The following TMOD3 variants were observed in gnomAD, a reference collection of about 807,000 sequenced individuals.
The protein encoded by TMOD3 is tropomodulin-3.
Under a neutral mutation model 39.2 loss-of-function variants are expected in TMOD3, and 20 were observed. The ratio of observed to expected loss-of-function variants is 0.51; its 90% CI spans 0.36 to 0.74. TMOD3 has a LOEUF of 0.74. Ranked by LOEUF, TMOD3 falls within the 30% of genes least tolerant of loss-of-function variation. The pLI is 0.00. For synonymous variants in TMOD3, 143 were observed against 145.8 expected, an observed-to-expected ratio of 0.98 and a Z score of 0.14; for missense variants, 381 against 412.8, an observed-to-expected ratio of 0.92 and a Z score of 0.67.
chr15:51,859,654 C>CCA, intron 1 of TMOD3: 2 of 503,352 alleles, frequency 4.0e-6, no homozygotes, highest in East Asian at 9.6e-5. Flanking sequence ...GCCAAGAAGT[C>CCA]CACAATGGTA....
At position 51,908,770 on chromosome 15, in the gene TMOD3, T is replaced by C. The variant is rs756172786; in HGVS notation, c.1025-6T>C. 11 of 1,594,784 alleles carry C rather than the reference T, an allele frequency of 6.9e-6. No individual in the cohort carries two copies. The highest frequency in any genetic ancestry group is 9.4e-6 in the Non-Finnish European group (11 of 1,172,940). On this transcript the variant is annotated splice_region_variant and splice_polypyrimidine_tract_variant and intron_variant, in intron 9 of 9. Transcript: ENST00000308580. ...TCTAACATAGTTTCTTTTATTTTTC[T>C]CATAGTGCGTAAGAGACGAGTTGAA...
rs2056259083 is a variant in TMOD3 at position 51,832,203 on chromosome 15, T to TTATATATATTTATATATATATATA, written c.-75+2376_-75+2377insTTATATATATATATATATATATAT. 5.0e-5 allele frequency among the ~76,000 whole-genome samples: 4 copies of TTATATATATTTATATATATATATA among 79,334 alleles called. No individual in the cohort carries two copies. The South Asian group carries it at 1.6e-3, about 32-fold the overall frequency. 52.0% of individuals were successfully genotyped at this position (79,334 alleles called of 152,430 possible). On this transcript the variant is annotated intron_variant, in intron 1 of 9. Transcript: ENST00000308580. ...TGTCTCTCTAAAAAAAGAAAAAAAATTATATATATATATATATATATATAT... is the reference window on the plus strand; with the variant it reads ...TGTCTCTCTAAAAAAAGAAAAAAAATTATATATATTTATATATATATATATATATATATATATATATATATATAT...
chr15:51,878,429 G>T (rs1566861501), intron 3 of TMOD3, among the ~76,000 whole-genome samples: 1 of 143,050 alleles, frequency 7.0e-6, no homozygotes. Flanking sequence ...CATATATTTT[G>T]TCCATTTTAA....
chr15:51,854,739 G>A (rs1351836505), intron 1 of TMOD3, among the ~76,000 whole-genome samples: 3 of 152,128 alleles, frequency 2.0e-5, no homozygotes, highest in African/African-American at 7.2e-5. Context: ...AGGTGCTGGT[G>A]CAATGATAAA....
intron 1 of TMOD3, among the ~76,000 whole-genome samples, chr15:51,847,610 C>G (rs2056342192): frequency 6.6e-6 from 1 of 152,060 alleles, no homozygotes; most frequent in African/African-American, 2.4e-5. Context: ...AATTTAGCAT[C>G]CAGTATATTT....
chr15:51,896,736 A>G (rs193089531), intron 7 of TMOD3, among the ~76,000 whole-genome samples: 44 of 149,500 alleles, frequency 2.9e-4, no homozygotes, highest in Middle Eastern at 6.8e-3. Context: ...CCTCCTTCCT[A>G]TGAATTTTTT....
At position 51,880,040 on chromosome 15, in the gene TMOD3, A is replaced by G. The variant is rs78438558; in HGVS notation, c.284-7549A>G. 1.4e-3 allele frequency among the ~76,000 whole-genome samples: 216 copies of G among 152,336 alleles called. 11 individuals carry two copies. Among genetic ancestry groups the G allele is most frequent in the East Asian group, 9.8e-3 (51 of 5,194 alleles). On this transcript the variant is annotated intron_variant, in intron 3 of 9. Transcript: ENST00000308580. ...AACATCTCATAGTCACTAAGATTTT[A>G]AAATCTAATTGATATTGATATAAGA...
intron 9 of TMOD3, among the ~76,000 whole-genome samples, chr15:51,906,961 G>A (rs1228464763): frequency 1.3e-5 from 2 of 151,474 alleles, no homozygotes; most frequent in African/African-American, 2.4e-5. Flanking sequence ...TAGAGGTTGC[G>A]GTGAGCCGAG....
intron 5 of TMOD3, among the ~76,000 whole-genome samples, chr15:51,889,940 A>G (rs776780794): frequency 6.6e-6 from 1 of 152,146 alleles, no homozygotes; most frequent in Non-Finnish European, 1.5e-5. Flanking sequence ...TAAACAGTAC[A>G]TAAGTATTTA....
In TMOD3 at chr15:51,911,868, T is replaced by C. The variant is rs2056713442; in HGVS notation, c.*3058T>C. 1 of 152,222 alleles carries C rather than the reference T, an allele frequency of 6.6e-6. No individual in the cohort carries two copies. The highest frequency in any genetic ancestry group is 2.1e-4 in the South Asian group (1 of 4,838). The allele number at this position is 152,222 out of a possible 1,614,324, so 9.4% of individuals were successfully genotyped here. A position where few individuals can be genotyped will look rare whatever the true frequency, so the allele number is the denominator to read the frequency against. Reference sequence around the variant, plus strand: ...GAATAGGTGAAATACACTTTCAAAGTTGCCTGTCATTTAAAAGACCAAATA... The same window carrying C: ...GAATAGGTGAAATACACTTTCAAAGCTGCCTGTCATTTAAAAGACCAAATA... On this transcript the variant is annotated 3_prime_UTR_variant, in exon 10 of 10. Coordinates refer to ENST00000308580, the MANE Select transcript of TMOD3 (RefSeq NM_014547.5).
At chr15:51,871,795 C>A (rs1433898895) in intron 3 of TMOD3, among the ~76,000 whole-genome samples, 1 of 152,134 alleles carries the variant, frequency 6.6e-6, no homozygotes, top group African/African-American at 2.4e-5. Context: ...TCCTATGTAT[C>A]TTTTAAAATT....
At position 51,901,603 on chromosome 15, in the gene TMOD3, G is replaced by A. The variant is rs1295208509; in HGVS notation, c.880-289G>A. The A allele has an allele frequency of 1.4e-5, 5 of 362,488 alleles. No individual in the cohort carries two copies. The East Asian group carries it at 3.0e-4, about 21-fold the overall frequency. 22.5% of individuals were successfully genotyped at this position (362,488 alleles called of 1,614,324 possible). ...TGTGTGTGTGTGTGTGTGTGTGTGT[G>A]TGTGTGTGTATAAAGTTCCAGTGAG... On this transcript the variant is annotated intron_variant, in intron 8 of 9. Transcript: ENST00000308580.
intron 4 of TMOD3, among the ~76,000 whole-genome samples, chr15:51,888,699 T>C (rs534559044): frequency 3.3e-5 from 5 of 152,352 alleles, no homozygotes; most frequent in Admixed American, 1.3e-4. Flanking sequence ...CTTTTTGTCA[T>C]ATTATGTTCC....
chr15:51,889,231 C>G (rs1318791672), intron 5 of TMOD3, 86 bp downstream of exon 5: 3 of 829,516 alleles, frequency 3.6e-6, no homozygotes, highest in Non-Finnish European at 6.0e-6. Context: ...TGTTCACATA[C>G]TAGATGTTAT....
intron 7 of TMOD3, among the ~76,000 whole-genome samples, chr15:51,899,862 G>A (rs759720595): frequency 1.8e-4 from 27 of 152,128 alleles, no homozygotes; most frequent in Admixed American, 3.9e-4. Context: ...TAACCTAGAG[G>A]TAATGAAAAG....
In TMOD3 at chr15:51,887,693, GA is replaced by G; in HGVS notation, c.390del (p.Glu130AspfsTer14). 1 of 1,613,548 alleles carries G rather than the reference GA, an allele frequency of 6.2e-7. No individual in the cohort carries two copies. Among genetic ancestry groups the G allele is most frequent in the East Asian group, 2.2e-5 (1 of 44,836 alleles). On this transcript the variant is annotated frameshift_variant, in exon 4 of 10. Coordinates refer to ENST00000308580, the MANE Select transcript of TMOD3 (RefSeq NM_014547.5). LOFTEE classifies it high-confidence loss of function. ...EEALTSASDT[E>X]LCDLAAILGM... Reference sequence around the variant, plus strand: ...AGCTTTGACAAGTGCTTCTGATACAGAATTGTGTGACCTCGCAGGTATCACC... The same window carrying G: ...AGCTTTGACAAGTGCTTCTGATACAGATTGTGTGACCTCGCAGGTATCACC...
At chr15:51,869,155 T>C in intron 2 of TMOD3, 62 bp from the exon 3 acceptor site, 3 of 1,551,518 alleles carry the variant, frequency 1.9e-6, no homozygotes, top group Non-Finnish European at 2.6e-6. Flanking sequence ...TGGGTAATCT[T>C]CGGAAGCATA....
At chr15:51,906,772 G>C (rs533136836) in intron 9 of TMOD3, among the ~76,000 whole-genome samples, 1 of 152,160 alleles carries the variant, frequency 6.6e-6, no homozygotes, top group African/African-American at 2.4e-5. Flanking sequence ...TGTAATCCCA[G>C]CACTTTGGGA....
intron 1 of TMOD3, among the ~76,000 whole-genome samples, chr15:51,832,156 C>T (rs551669768): frequency 7.0e-6 from 1 of 142,264 alleles, no homozygotes; most frequent in South Asian, 2.2e-4. Flanking sequence ...TGCACTCCAG[C>T]CTGCGTGACA....
Sources: allele counts gnomAD v4.1 joint callset (sites outside exome capture counted in the v4.1 genomes callset), GRCh38; gene constraint gnomAD v4.1.1; transcripts MANE v1.5; gene names NCBI Gene and HGNC (gene_info 2026-07-23, HGNC 2026-07-21).